Variants in DSCAM observed in about 807,000 individuals in gnomAD.
DSCAM encodes the protein cell adhesion molecule DSCAM.
A neutral mutation model predicts 217.7 loss-of-function variants in DSCAM; 47 were observed. The observed-to-expected ratio is 0.22, with a 90% CI of 0.17 to 0.28. The LOEUF is 0.28. Among genes scored for constraint, DSCAM ranks in the 10% least tolerant of loss-of-function variants. DSCAM has a pLI of 1.00. For synonymous variants in DSCAM, 1,056 were observed against 1,015.3 expected (o/e 1.04, Z -0.76); for missense variants, 2,080 against 2,618.3 (o/e 0.79, Z 4.49).
At chr21:40,146,407 G>A (rs2090358037) in intron 16 of DSCAM, among the ~76,000 whole-genome samples, 1 of 152,136 alleles carries the variant, frequency 6.6e-6, no homozygotes, top group Non-Finnish European at 1.5e-5. Context: ...TGCCAAATGT[G>A]ACCGGGGGAG....
At chr21:40,372,440 CAT>C (rs2074908230) in intron 3 of DSCAM, among the ~76,000 whole-genome samples, 1 of 147,406 alleles carries the variant, frequency 6.8e-6, no homozygotes, top group Non-Finnish European at 1.5e-5. Context: ...AGTTCTAAAA[CAT>C]AGTTCATACT....
intron 11 of DSCAM, among the ~76,000 whole-genome samples, chr21:40,222,399 C>T (rs2091295894): frequency 6.6e-6 from 1 of 152,078 alleles, no homozygotes; most frequent in Admixed American, 6.5e-5. Flanking sequence ...TAGGAAAAGG[C>T]TGTTGATATG....
At chr21:40,607,655 C>G (rs1215744820) in intron 3 of DSCAM, among the ~76,000 whole-genome samples, 1 of 152,054 alleles carries the variant, frequency 6.6e-6, no homozygotes, top group Non-Finnish European at 1.5e-5. Flanking sequence ...GAATAAGTCT[C>G]ATGAGATCTG....
At chr21:40,258,656 A>T (rs2073406840) in intron 11 of DSCAM, among the ~76,000 whole-genome samples, 1 of 152,260 alleles carries the variant, frequency 6.6e-6, no homozygotes, top group Non-Finnish European at 1.5e-5. Context: ...AATTTAGCTT[A>T]AATATCTGCC....
rs965638267 is a variant in DSCAM at position 40,159,125 on chromosome 21, G to A, written c.3018+8093C>T. Among the ~76,000 whole-genome samples, 13 of 152,276 alleles carry A rather than the reference G, an allele frequency of 8.5e-5. No individual in the cohort carries two copies. The South Asian group carries it at 1.2e-3, about 15-fold the overall frequency. ...GGACCCTAACCAACTTCGTCCAGCCGAGTTGCCATAATAATAACAATAAAA... is the reference window on the plus strand; with the variant it reads ...GGACCCTAACCAACTTCGTCCAGCCAAGTTGCCATAATAATAACAATAAAA... On this transcript the variant is annotated intron_variant, in intron 16 of 32. Transcript: ENST00000400454.
At chr21:40,288,969 C>A (rs1446219554) in intron 10 of DSCAM, among the ~76,000 whole-genome samples, 1 of 152,146 alleles carries the variant, frequency 6.6e-6, no homozygotes, top group Non-Finnish European at 1.5e-5. Flanking sequence ...GATTTCTACT[C>A]CTCCTCCTAG....
Position 40,042,376 on chromosome 21 carries a change from C to A in DSCAM, c.5681G>T (p.Arg1894Leu), listed in dbSNP as rs1453514770. The A allele has an allele frequency of 6.2e-7, 1 of 1,613,070 alleles. No homozygotes were observed. The highest frequency in any genetic ancestry group is 8.5e-7 in the Non-Finnish European group (1 of 1,179,348). ...VMNMAVPKAH[R>L]PGDLIHLPPY... ...AGGTGGCCTTGCTCACCTACCTGGC[C>A]GATGTGCCTTTGGAACTGCCATATT... The change falls in exon 32 of 33, where the codon CGG becomes CTG. Residue 1894 changes from arginine (R) to leucine (L), a missense_variant. Physicochemically the swap from Arg to Leu is moderately radical, Grantham distance 102 (BLOSUM62 -2). Around this residue, in one of 5 missense-constraint regions of DSCAM, gnomAD observed 145 missense variants for 138.5 expected, o/e 1.05. Transcript: ENST00000400454.
At chr21:40,089,433 T>C (rs534408243) in intron 21 of DSCAM, among the ~76,000 whole-genome samples, 2 of 152,264 alleles carry the variant, frequency 1.3e-5, no homozygotes, top group South Asian at 4.2e-4. Context: ...TCGGGTCCCG[T>C]TTGTTCTCAG....
chr21:40,416,087 C>T (rs1011972343), intron 3 of DSCAM, among the ~76,000 whole-genome samples: 2 of 152,136 alleles, frequency 1.3e-5, no homozygotes, highest in African/African-American at 4.8e-5. Flanking sequence ...CACACTTGGA[C>T]ATGATGTGAA....
chr21:40,355,406 G>A (rs2074681194), intron 4 of DSCAM, among the ~76,000 whole-genome samples: 1 of 152,202 alleles, frequency 6.6e-6, no homozygotes, highest in Non-Finnish European at 1.5e-5. Flanking sequence ...CTTGAACCAG[G>A]TGAGGAAATT....
intron 8 of DSCAM, among the ~76,000 whole-genome samples, chr21:40,334,943 C>T (rs1205794418): frequency 3.3e-5 from 5 of 152,052 alleles, no homozygotes; most frequent in African/African-American, 7.2e-5. Flanking sequence ...GTAAGTCCCC[C>T]GTGAAAAGGT....
At chr21:40,027,031 T>C (rs1359501844) in intron 32 of DSCAM, among the ~76,000 whole-genome samples, 5 of 152,360 alleles carry the variant, frequency 3.3e-5, no homozygotes, top group Middle Eastern at 3.4e-3. Context: ...TTCCTTTCCA[T>C]GTTTAGTGCT....
chr21:40,266,083 T>C (rs2073522420), intron 11 of DSCAM, among the ~76,000 whole-genome samples: 1 of 152,074 alleles, frequency 6.6e-6, no homozygotes, highest in South Asian at 2.1e-4. Context: ...AGAATGGAAG[T>C]AAATATTTGA....
At chr21:40,099,418 G>C (rs143431728) in intron 20 of DSCAM, among the ~76,000 whole-genome samples, 113 of 152,260 alleles carry the variant, frequency 7.4e-4, no homozygotes, top group African/African-American at 2.6e-3. Context: ...ATAACGTCAA[G>C]CTGTTAGTGG....
At chr21:40,500,045 C>A (rs1306486658) in intron 3 of DSCAM, among the ~76,000 whole-genome samples, 2 of 152,084 alleles carry the variant, frequency 1.3e-5, no homozygotes, top group African/African-American at 4.8e-5. Context: ...TCCCAAAGTG[C>A]TGAGATTACA....
intron 28 of DSCAM, among the ~76,000 whole-genome samples, chr21:40,059,107 A>G (rs1367949677): frequency 6.6e-6 from 1 of 152,216 alleles, no homozygotes; most frequent in Non-Finnish European, 1.5e-5. Flanking sequence ...GACACAGAAC[A>G]TTCCTTAAAT....
At chr21:40,111,597 TC>T (rs1422527994) in intron 20 of DSCAM, among the ~76,000 whole-genome samples, 3 of 152,006 alleles carry the variant, frequency 2.0e-5, no homozygotes, top group Non-Finnish European at 4.4e-5. Flanking sequence ...GACTAAATGC[TC>T]CAATTAAAAG....
At chr21:40,809,568 G>C (rs1419791757) in intron 1 of DSCAM, among the ~76,000 whole-genome samples, 4 of 152,172 alleles carry the variant, frequency 2.6e-5, no homozygotes, top group African/African-American at 9.7e-5. Context: ...TAGGTAAGTG[G>C]CTAAGAAACT....
In DSCAM at chr21:40,042,483, C is replaced by G. The variant is rs1310788199; in HGVS notation, c.5574G>C (p.Leu1858=). 4 of 1,614,080 alleles carry G rather than the reference C, an allele frequency of 2.5e-6. No individual in the cohort carries two copies. The highest frequency in any genetic ancestry group is 3.4e-6 in the Non-Finnish European group (4 of 1,180,036). ...CCGATTCGGAAGGGGTGCTGGAGGT[C>G]AGACTGTCCGTGTACTCATTTGTCC... The part of the protein sequence containing the change: ...TAGTNEYTDS[L]TSSTPSESGI... The change falls in exon 32 of 33, where the codon CTG becomes CTC. Residue 1858 remains leucine, a synonymous_variant. Coordinates refer to ENST00000400454, the MANE Select transcript of DSCAM (RefSeq NM_001389.5).
Sources: allele counts gnomAD v4.1 joint callset (sites outside exome capture counted in the v4.1 genomes callset), GRCh38; gene constraint gnomAD v4.1.1; regional missense constraint gnomAD v4.1.1; transcripts MANE v1.5; gene names NCBI Gene and HGNC (gene_info 2026-07-23, HGNC 2026-07-21).